Variants in PATJ observed in about 807,000 individuals in gnomAD.
PATJ encodes the protein PATJ crumbs cell polarity complex component.
In PATJ, 190 loss-of-function variants were observed where a neutral mutation model predicts 224.9. That is an observed-to-expected ratio of 0.84 (90% confidence interval 0.75 to 0.95). The LOEUF (loss-of-function observed/expected upper bound fraction) is 0.95. Ranked by LOEUF, PATJ falls within the 40% of genes least tolerant of loss-of-function variation. The probability of loss-of-function intolerance (pLI) is 0.00; values close to 1 mark genes in which losing one functional copy is unlikely to be tolerated. For synonymous variants in PATJ, 769 were observed against 820.3 expected (o/e 0.94, Z 1.07); for missense variants, 2,121 against 2,270.3 (o/e 0.93, Z 1.34).
intron 26 of PATJ, among the ~76,000 whole-genome samples, chr1:61,915,388 G>A (rs538511214): frequency 4.2e-4 from 64 of 152,238 alleles, no homozygotes; most frequent in African/African-American, 1.1e-3. Context: ...CTGCACTGAC[G>A]GAATTATTAA....
In PATJ at chr1:61,827,509, T is replaced by G; in HGVS notation, c.1906T>G (p.Cys636Gly). 1 of 1,614,124 alleles carries G rather than the reference T, an allele frequency of 6.2e-7. No homozygotes were observed. The highest frequency in any genetic ancestry group is 8.5e-7 in the Non-Finnish European group (1 of 1,180,008). The change falls in exon 16 of 44, where the codon TGT (cysteine) becomes GGT (glycine). Residue 636 changes from cysteine to glycine, a missense_variant. Coordinates refer to ENST00000642238, the MANE Select transcript of PATJ (RefSeq NM_001350145.3). The stretch of plus-strand genomic sequence containing the variant: ...GCCACCCCCTTTTACTTTGGTTTGC[T>G]GTCGGAGGTTGTTTGATGATGAAGC... ...EVPPPFTLVC[C>G]RRLFDDEASV...
chr1:62,095,983 C>T (rs1396730970), intron 33 of PATJ, among the ~76,000 whole-genome samples: 4 of 152,138 alleles, frequency 2.6e-5, no homozygotes, highest in African/African-American at 9.7e-5. Context: ...TACACACATA[C>T]TCTCTCAATG....
rs927755086 is a variant in PATJ at position 61,755,828 on chromosome 1, C to T, written c.-35-7030C>T. 6.6e-5 allele frequency among the ~76,000 whole-genome samples: 10 copies of T among 152,028 alleles called. 1 individual carries two copies. Among genetic ancestry groups the T allele is most frequent in the African/African-American group, 2.4e-4 (10 of 41,498 alleles). The stretch of plus-strand genomic sequence containing the variant: ...TGTCTTTTTATTATTTTTTTTTAGA[C>T]GGAGTTTCTGTTGCCCAGGCTGGAG... On this transcript the variant is annotated intron_variant, in intron 1 of 43. Transcript: ENST00000642238.
At chr1:62,159,097 A>G (rs191375565) in intron 43 of PATJ, among the ~76,000 whole-genome samples, 2 of 152,368 alleles carry the variant, frequency 1.3e-5, no homozygotes, top group Admixed American at 1.3e-4. Context: ...AACTTTGCCT[A>G]GTAATTCTGA....
intron 40 of PATJ, 44 bp from the exon 41 acceptor site, chr1:62,128,796 AT>A (rs1558209144): frequency 7.6e-7 from 1 of 1,307,408 alleles, no homozygotes; most frequent in Non-Finnish European, 1.1e-6. Flanking sequence ...CTCAAATTTA[AT>A]TTTTCTTAAT....
At chr1:61,742,903 G>A (rs951864588) in intron 1 of PATJ, among the ~76,000 whole-genome samples, 64 of 152,080 alleles carry the variant, frequency 4.2e-4, no homozygotes, top group African/African-American at 1.5e-3. Flanking sequence ...GCGCCGCCCC[G>A]CCTCCCCAGG....
chr1:61,808,402 T>C (rs978594128), intron 13 of PATJ, 72 bp from the exon 14 acceptor site: 1 of 888,602 alleles, frequency 1.1e-6, no homozygotes, highest in Middle Eastern at 2.2e-4. Flanking sequence ...GTTTTACAGA[T>C]ATTTTCAGAA....
chr1:61,923,783 G>T (rs191719612), intron 26 of PATJ, among the ~76,000 whole-genome samples: 295 of 151,558 alleles, frequency 1.9e-3, no homozygotes, highest in African/African-American at 6.7e-3. Context: ...TTAGCCGGCT[G>T]TGGTGGCACA....
At chr1:61,841,414 A>G (rs1221550646) in intron 17 of PATJ, among the ~76,000 whole-genome samples, 1 of 152,214 alleles carries the variant, frequency 6.6e-6, no homozygotes, top group Non-Finnish European at 1.5e-5. Flanking sequence ...AGGTATTGAT[A>G]TAATTTTAAC....
At chr1:61,950,072 C>T (rs1442594215) in intron 27 of PATJ, among the ~76,000 whole-genome samples, 1 of 152,108 alleles carries the variant, frequency 6.6e-6, no homozygotes, top group Non-Finnish European at 1.5e-5. Flanking sequence ...GGTGTGGTGG[C>T]ACGTGCCTGT....
At chr1:62,121,911 G>A (rs1665105253) in intron 38 of PATJ, among the ~76,000 whole-genome samples, 3 of 152,074 alleles carry the variant, frequency 2.0e-5, no homozygotes, top group South Asian at 4.1e-4. Flanking sequence ...CTGGAGAAAG[G>A]TCAGAAGTGT....
chr1:61,984,607 G>A (rs965962775), intron 27 of PATJ, among the ~76,000 whole-genome samples: 1 of 151,924 alleles, frequency 6.6e-6, no homozygotes, highest in African/African-American at 2.4e-5. Context: ...TAGCATTTAG[G>A]CAAATAAAGT....
chr1:61,979,828 G>A (rs1644354793), intron 27 of PATJ, among the ~76,000 whole-genome samples: 1 of 151,974 alleles, frequency 6.6e-6, no homozygotes, highest in South Asian at 2.1e-4. Context: ...AACGAGGCAT[G>A]ATCTAATGGT....
chr1:61,831,687 C>A (rs1247246376), intron 16 of PATJ, among the ~76,000 whole-genome samples: 1 of 152,112 alleles, frequency 6.6e-6, no homozygotes, highest in African/African-American at 2.4e-5. Flanking sequence ...ATAACAGATG[C>A]TGGGGAGGTT....
chr1:62,135,411 G>A (rs997037009), intron 41 of PATJ, among the ~76,000 whole-genome samples: 22 of 151,040 alleles, frequency 1.5e-4, no homozygotes, highest in Admixed American at 5.3e-4. Flanking sequence ...AGCTACTCAG[G>A]AGGCTGAGGC....
In PATJ at chr1:61,796,690, C is replaced by CTT. The variant is rs767765570; in HGVS notation, c.1261-595_1261-594dup. Among the ~76,000 whole-genome samples the CTT allele has an allele frequency of 2.3e-3, 74 of 32,260 alleles. 1 individual carries two copies. Among genetic ancestry groups the CTT allele is most frequent in the South Asian group, 8.9e-3 (5 of 562 alleles). 21.2% of individuals were successfully genotyped at this position (32,260 alleles called of 152,430 possible). ...TCTTTCTTTCTTTCTTTCTTTCTTT[C>CTT]TTTCTTTCTTTCTTTCTTTCTTTCT... On this transcript the variant is annotated intron_variant, in intron 10 of 43. Coordinates refer to ENST00000642238, the MANE Select transcript of PATJ (RefSeq NM_001350145.3).
chr1:61,946,315 A>G (rs1678697331), intron 27 of PATJ, among the ~76,000 whole-genome samples: 1 of 152,118 alleles, frequency 6.6e-6, no homozygotes, highest in Non-Finnish European at 1.5e-5. Context: ...TTGATAGACC[A>G]CTAGCAAGAC....
chr1:62,153,426 G>T lies in PATJ; in HGVS notation c.5447G>T (p.Gly1816Val). 2 of 1,231,196 alleles carry T rather than the reference G, an allele frequency of 1.6e-6. No homozygotes were observed. The highest frequency in any genetic ancestry group is 1.6e-5 in the African/African-American group (1 of 64,514). The allele number at this position is 1,231,196 out of a possible 1,614,324, so 76.3% of individuals were successfully genotyped here. ...SEGLGFSIVG[G>V]YGSPHGDLPI... ...GGCTTGGGGTTTAGTATTGTAGGGG[G>T]TTATGGAAGTCCCCATGGAGACCTG... The change falls in exon 43 of 44, where the codon GGT (glycine) becomes GTT (valine). Residue 1816 changes from glycine (G) to valine (V), a missense_variant. Physicochemically the swap from Gly to Val is moderately radical, Grantham distance 109. Coordinates refer to ENST00000642238, the MANE Select transcript of PATJ (RefSeq NM_001350145.3).
chr1:62,108,408 G>A (rs751970197), intron 33 of PATJ, 29 bp from the exon 34 acceptor site: 32 of 1,470,416 alleles, frequency 2.2e-5, no homozygotes, highest in Middle Eastern at 1.8e-4. Flanking sequence ...TGTGGTTGTT[G>A]AAAATGAGTA....
Sources: gnomAD v4.1 joint callset for allele counts (sites outside exome capture counted in the v4.1 genomes callset) on GRCh38, gnomAD v4.1.1 for gene constraint, MANE v1.5 for transcripts, NCBI Gene and HGNC (gene_info 2026-07-23, HGNC 2026-07-21) for gene names.